MMAB: variants seen among roughly 807,000 people sequenced by gnomAD.
MMAB encodes corrinoid adenosyltransferase MMAB.
A neutral mutation model predicts 30.6 loss-of-function variants in MMAB; 17 were observed. The ratio of observed to expected loss-of-function variants is 0.56; its 90% CI spans 0.38 to 0.83. The LOEUF is 0.83. Ranked by LOEUF, MMAB falls within the 40% of genes least tolerant of loss-of-function variation. The pLI, the probability that MMAB is intolerant of heterozygous loss-of-function variation, is 0.00. For synonymous variants in MMAB, 134 were observed against 138.6 expected, an observed-to-expected ratio of 0.97 and a Z score of 0.23; for missense variants, 311 against 331.6, an observed-to-expected ratio of 0.94 and a Z score of 0.48.
intron 7 of MMAB, among the ~76,000 whole-genome samples, chr12:109,560,740 T>C (rs909876090): frequency 6.6e-6 from 1 of 152,118 alleles, no homozygotes; most frequent in African/African-American, 2.4e-5. Context: ...CAAGGTGCAA[T>C]TGTGTTGTCT....
chr12:109,571,867 A>G (rs189829314), intron 1 of MMAB, among the ~76,000 whole-genome samples, 157 bp from the exon 2 acceptor site: 9 of 152,258 alleles, frequency 5.9e-5, no homozygotes, highest in Admixed American at 2.0e-4. Flanking sequence ...TTTCCCCTAG[A>G]TCCTTTCTAA....
chr12:109,566,359 C>T (rs1410463896), intron 3 of MMAB, among the ~76,000 whole-genome samples: 1 of 152,234 alleles, frequency 6.6e-6, no homozygotes, highest in Non-Finnish European at 1.5e-5. Flanking sequence ...AATATCCAGC[C>T]CATCTTCCTG....
Position 109,568,780 on chromosome 12 carries a change from A to C in MMAB, c.280T>G (p.Ser94Ala). The C allele has an allele frequency of 6.2e-7, 1 of 1,613,818 alleles. No individual in the cohort carries two copies. Among genetic ancestry groups the C allele is most frequent in the African/African-American group, 1.3e-5 (1 of 75,044 alleles). ...EAVGTTDELS[S>A]AIGFALELVT... is the part of the protein sequence containing the mutation. ...TCCTGTCCCCCTTACCCAATAGCTG[A>C]ACTTAATTCATCTGTAGTTCCCACG... Residue 94 changes from serine (S) to alanine (A), a missense_variant, in exon 3 of 9, where the codon TCA becomes GCA. Ser to Ala is a moderately conservative substitution (Grantham distance 99, BLOSUM62 1). Coordinates refer to ENST00000545712, the MANE Select transcript of MMAB (RefSeq NM_052845.4).
chr12:109,560,169 G>T (rs1358213869), intron 7 of MMAB, among the ~76,000 whole-genome samples: 3 of 152,186 alleles, frequency 2.0e-5, no homozygotes, highest in Non-Finnish European at 4.4e-5. Flanking sequence ...AGCTATCTGG[G>T]CCCGAGAGCC....
Position 109,568,838 on chromosome 12 carries a change from T to C in MMAB, c.222A>G (p.Glu74=), listed in dbSNP as rs1389815526. The C allele has an allele frequency of 1.9e-6, 3 of 1,614,102 alleles. No homozygotes were observed. The highest frequency in any genetic ancestry group is 2.5e-6 in the Non-Finnish European group (3 of 1,179,930). ...ACACTTGGTCATCTTTGGGTCTCCT[T>C]TCTCCTGTGAAGGTACTAGAAAACC... is the stretch of plus-strand genomic sequence containing the variant. ...DKGFSSTFTG[E]RRPKDDQVFE... Residue 74 remains glutamate (E), a synonymous_variant, in exon 3 of 9, where the codon GAA becomes GAG. Coordinates refer to ENST00000545712, the MANE Select transcript of MMAB (RefSeq NM_052845.4).
intron 3 of MMAB, 23 bp from the exon 4 acceptor site, chr12:109,565,199 A>G (rs1406402671): frequency 3.1e-6 from 5 of 1,599,628 alleles, no homozygotes; most frequent in African/African-American, 1.3e-5. Flanking sequence ...AGGAAAAAGA[A>G]TTTGCCTGTA....
At chr12:109,573,266 C>T in intron 1 of MMAB, 81 bp downstream of exon 1, 1 of 1,586,266 alleles carries the variant, frequency 6.3e-7, no homozygotes, top group Non-Finnish European at 8.6e-7. Context: ...GCGGTGACCT[C>T]ACGGCGGTGT....
intron 7 of MMAB, among the ~76,000 whole-genome samples, chr12:109,559,616 TGATTCCGCAGGATTCTG>T (rs1390949158): frequency 5.9e-5 from 9 of 152,238 alleles, no homozygotes; most frequent in African/African-American, 2.2e-4. Flanking sequence ...ACCAAGCTCC[TGATTCCGCAGGATTCTG>T]GATTCCTGGG....
intron 4 of MMAB, among the ~76,000 whole-genome samples, chr12:109,562,329 C>T (rs1482780789): frequency 2.0e-5 from 3 of 152,234 alleles, no homozygotes; most frequent in Non-Finnish European, 4.4e-5. Context: ...ATTATCCGGT[C>T]TCAGGTAGTT....
At chr12:109,565,639 G>GTTCAGGAGCGTGATA in intron 3 of MMAB, among the ~76,000 whole-genome samples, 1 of 152,352 alleles carries the variant, frequency 6.6e-6, no homozygotes, top group South Asian at 2.1e-4. Context: ...ACACCTTCAT[G>GTTCAGGAGCGTGATA]TTCAGGAGCG....
intron 4 of MMAB, among the ~76,000 whole-genome samples, chr12:109,564,388 T>G (rs1006104011): frequency 6.6e-4 from 99 of 150,978 alleles, no homozygotes; most frequent in Non-Finnish European, 7.7e-4. Flanking sequence ...GGTTTTTTTT[T>G]TTTTTTTTTT....
chr12:109,562,434 T>G (rs1310550886), intron 4 of MMAB, among the ~76,000 whole-genome samples: 1 of 152,172 alleles, frequency 6.6e-6, no homozygotes, highest in Non-Finnish European at 1.5e-5. Context: ...CACAACATCT[T>G]CGTTGGACAC....
intron 3 of MMAB, 40 bp from the exon 4 acceptor site, chr12:109,565,216 T>A (rs1051299376): frequency 6.7e-7 from 1 of 1,483,660 alleles, no homozygotes; most frequent in African/African-American, 1.4e-5. Context: ...TGTAATGTAA[T>A]GTCCCTAGGC....
At position 109,555,694 on chromosome 12, in the gene MMAB, C is replaced by G. The variant is rs1174087477; in HGVS notation, c.*1334G>C. 2.2e-6 allele frequency: 1 copy of G among 453,726 alleles called. No homozygotes were observed. Among genetic ancestry groups the G allele is most frequent in the Admixed American group, 2.4e-5 (1 of 42,538 alleles). 28.1% of individuals were successfully genotyped at this position (453,726 alleles called of 1,614,324 possible). ...CACACTCCTGGTCATCTGCACCTCA[C>G]CCACCCTGCCCAAGGCTCAAGAGGG... On this transcript the variant is annotated 3_prime_UTR_variant, in exon 9 of 9. Transcript: ENST00000545712.
chr12:109,567,172 GA>G (rs111916724), intron 3 of MMAB: 46,494 of 302,110 alleles, frequency 0.15, 13 homozygotes, highest in South Asian at 0.24. Flanking sequence ...CTCCGTCTCG[GA>G]AAAAAAAAAA....
At chr12:109,560,328 C>T (rs78621180) in intron 7 of MMAB, among the ~76,000 whole-genome samples, 2,106 of 152,272 alleles carry the variant, frequency 0.014, 52 homozygotes, top group African/African-American at 0.049. Context: ...AGCTTCCTGA[C>T]TCCTGTAAAA....
chr12:109,561,429 G>A lies in MMAB; in HGVS notation c.510C>T (p.Phe170=). 1 of 1,550,926 alleles carries A rather than the reference G, an allele frequency of 6.4e-7. No homozygotes were observed. The highest frequency in any genetic ancestry group is 8.7e-7 in the Non-Finnish European group (1 of 1,146,958). Residue 170 remains phenylalanine (F), a synonymous_variant, in exon 6 of 9, where the codon TTC becomes TTT. Transcript: ENST00000545712. The surrounding 1 kb of genome is among the most constrained non-coding windows in gnomAD (Gnocchi z 5.3). The stretch of plus-strand genomic sequence containing the variant: ...CCTGCCCAGTACCTACAGGCAGGAT[G>A]AAGGCCGTGAGTGGTGGGAGCTGGC... ...YTSQLPPLTA[F]ILPSGGKISS... is the part of the protein sequence containing the mutation.
intron 2 of MMAB, 118 bp downstream of exon 2, chr12:109,571,531 C>T: frequency 2.2e-6 from 2 of 924,824 alleles, no homozygotes; most frequent in Non-Finnish European, 3.5e-6. Context: ...GGATTACAGG[C>T]ATGAGCCACC....
intron 2 of MMAB, 110 bp downstream of exon 2, chr12:109,571,539 A>T: frequency 1.0e-6 from 1 of 1,002,486 alleles, no homozygotes; most frequent in Admixed American, 1.9e-5. Context: ...GGCATGAGCC[A>T]CCGCGCCTGG....
Sources: allele counts gnomAD v4.1 joint callset (sites outside exome capture counted in the v4.1 genomes callset), GRCh38; gene constraint gnomAD v4.1.1; non-coding constraint Gnocchi (gnomAD v3.1); transcripts MANE v1.5; gene names NCBI Gene and HGNC (gene_info 2026-07-23, HGNC 2026-07-21).